ANGPT1: variants seen among roughly 807,000 people sequenced by gnomAD.
ANGPT1 encodes the protein angiopoietin 1.
Under a neutral mutation model 62.2 loss-of-function variants are expected in ANGPT1, and 17 were observed. The ratio of observed to expected loss-of-function variants is 0.27; its 90% CI spans 0.19 to 0.41. The LOEUF is 0.41. Among genes scored for constraint, ANGPT1 ranks in the 10% least tolerant of loss-of-function variants. The pLI, the probability that ANGPT1 is intolerant of heterozygous loss-of-function variation, is 1.00. For missense variants in ANGPT1, 478 were observed against 594.9 expected (o/e 0.80, Z 2.04); for synonymous variants, 199 against 198.9 (o/e 1.00, Z 0.00).
intron 1 of ANGPT1, among the ~76,000 whole-genome samples, chr8:107,350,843 T>C (rs1018380343): frequency 6.6e-5 from 10 of 152,108 alleles, no homozygotes; most frequent in African/African-American, 2.4e-4. Flanking sequence ...ATATACAATG[T>C]GTGATTAATA....
intron 1 of ANGPT1, among the ~76,000 whole-genome samples, chr8:107,477,692 C>A: frequency 6.6e-6 from 1 of 152,196 alleles, no homozygotes; most frequent in Middle Eastern, 3.4e-3. Context: ...AGAAATTAAT[C>A]TTGATTTTAT....
At chr8:107,448,887 C>T (rs73313664) in intron 1 of ANGPT1, among the ~76,000 whole-genome samples, 5,619 of 152,124 alleles carry the variant, frequency 0.037, 375 homozygotes, top group African/African-American at 0.13. Flanking sequence ...TTGCCTATCA[C>T]GGGCCAAGTT....
chr8:107,440,336 C>T (rs1811442267), intron 1 of ANGPT1, among the ~76,000 whole-genome samples: 1 of 152,018 alleles, frequency 6.6e-6, no homozygotes, highest in Non-Finnish European at 1.5e-5. Context: ...TCAAATTTTA[C>T]ACACTTACTC....
intron 1 of ANGPT1, among the ~76,000 whole-genome samples, chr8:107,405,239 A>T (rs190273352): frequency 1.4e-4 from 22 of 152,056 alleles, no homozygotes; most frequent in Admixed American, 4.6e-4. Flanking sequence ...ATGTAGCTTT[A>T]TTATATGTAG....
chr8:107,434,413 C>T (rs1411128015), intron 1 of ANGPT1, among the ~76,000 whole-genome samples: 3 of 151,966 alleles, frequency 2.0e-5, no homozygotes, highest in African/African-American at 4.8e-5. Flanking sequence ...TGAAATACTT[C>T]GCTTGGGGTT....
chr8:107,336,962 C>T (rs868591173), intron 2 of ANGPT1, among the ~76,000 whole-genome samples: 2 of 152,108 alleles, frequency 1.3e-5, no homozygotes, highest in Non-Finnish European at 2.9e-5. Flanking sequence ...TGGTGGATCA[C>T]CTGGCAAAAA....
At chr8:107,267,550 T>C (rs1050919868) in intron 7 of ANGPT1, among the ~76,000 whole-genome samples, 1 of 152,128 alleles carries the variant, frequency 6.6e-6, no homozygotes, top group Non-Finnish European at 1.5e-5. Flanking sequence ...AGTTCTTCTC[T>C]GGATTATCAA....
chr8:107,265,648 C>A (rs760772006), intron 7 of ANGPT1, among the ~76,000 whole-genome samples: 1 of 152,256 alleles, frequency 6.6e-6, no homozygotes, highest in East Asian at 1.9e-4. Context: ...CCTTCAAATT[C>A]ATATAGGTCA....
In ANGPT1 at chr8:107,297,050, C is replaced by T. The variant is rs74538330; in HGVS notation, c.937-3013G>A. ...GGAAATTTTTGAAAAAGACAACTTTCCTTCTAAACAGAGGAATCCAGTGAC... is the reference window on the plus strand; with the variant it reads ...GGAAATTTTTGAAAAAGACAACTTTTCTTCTAAACAGAGGAATCCAGTGAC... On this transcript the variant is annotated intron_variant, in intron 5 of 8. Transcript: ENST00000517746. 4.6e-5 allele frequency among the ~76,000 whole-genome samples: 7 copies of T among 151,394 alleles called. No individual in the cohort carries two copies. In the East Asian group the frequency reaches 9.7e-4, roughly 21 times the overall value.
chr8:107,369,649 A>C (rs747244303), intron 1 of ANGPT1, among the ~76,000 whole-genome samples: 1 of 152,096 alleles, frequency 6.6e-6, no homozygotes, highest in Non-Finnish European at 1.5e-5. Flanking sequence ...CTCAGAGGCC[A>C]CTGTAGGGTT....
chr8:107,387,870 T>A (rs1816761558), intron 1 of ANGPT1, among the ~76,000 whole-genome samples: 1 of 152,032 alleles, frequency 6.6e-6, no homozygotes, highest in Non-Finnish European at 1.5e-5. Context: ...TAAAAATAAA[T>A]TTCTTTGAAG....
intron 7 of ANGPT1, among the ~76,000 whole-genome samples, chr8:107,280,168 G>A (rs529220495): frequency 1.6e-4 from 25 of 152,022 alleles, no homozygotes; most frequent in African/African-American, 5.8e-4. Flanking sequence ...TATCTTGCAA[G>A]AAGTAATCTT....
intron 1 of ANGPT1, among the ~76,000 whole-genome samples, chr8:107,434,175 A>G (rs13280030): frequency 0.12 from 18,073 of 152,202 alleles, 1,458 homozygotes; most frequent in East Asian, 0.44. Context: ...AGAAAAGGTA[A>G]TAACATTCCC....
rs148188671 is a variant in ANGPT1, at chr8:107,301,187, T to A, written c.936+2053A>T. 8.7e-3 allele frequency among the ~76,000 whole-genome samples: 1,324 copies of A among 152,088 alleles called. 17 individuals are homozygous for A. The highest frequency in any genetic ancestry group is 0.03 in the African/African-American group (1,259 of 41,524). On this transcript the variant is annotated intron_variant, in intron 5 of 8. Coordinates refer to ENST00000517746, the MANE Select transcript of ANGPT1 (RefSeq NM_001146.5). ...ATTCTAAAATTGTGAATATTCTTGA[T>A]CTGAAAACTTTGGGAATTATTTTTC...
At chr8:107,300,200 A>G (rs889437555) in intron 5 of ANGPT1, among the ~76,000 whole-genome samples, 1 of 149,334 alleles carries the variant, frequency 6.7e-6, no homozygotes, top group Non-Finnish European at 1.5e-5. Flanking sequence ...TGCTTAGAAG[A>G]AGACTGGCAA....
intron 2 of ANGPT1, among the ~76,000 whole-genome samples, chr8:107,338,173 T>C (rs1815614826): frequency 6.6e-6 from 1 of 151,154 alleles, no homozygotes; most frequent in Non-Finnish European, 1.5e-5. Flanking sequence ...TTTGCAGGAG[T>C]AGGGGATGTA....
intron 1 of ANGPT1, among the ~76,000 whole-genome samples, chr8:107,457,652 C>T (rs963744977): frequency 6.6e-6 from 1 of 151,970 alleles, no homozygotes; most frequent in Non-Finnish European, 1.5e-5. Context: ...AACCAGGCAG[C>T]TGAATTTTTT....
intron 1 of ANGPT1, among the ~76,000 whole-genome samples, chr8:107,474,451 A>G (rs1474840852): frequency 1.3e-5 from 2 of 152,178 alleles, no homozygotes; most frequent in South Asian, 4.1e-4. Context: ...AACAAGAGCT[A>G]TTTATGACAA....
At chr8:107,496,497 G>A (rs988783516) in intron 1 of ANGPT1, among the ~76,000 whole-genome samples, 1 of 152,162 alleles carries the variant, frequency 6.6e-6, no homozygotes, top group Non-Finnish European at 1.5e-5. Flanking sequence ...TAACTACAAT[G>A]CCCTGAGAAG....
Sources: allele counts gnomAD v4.1 joint callset (sites outside exome capture counted in the v4.1 genomes callset), GRCh38; gene constraint gnomAD v4.1.1; transcripts MANE v1.5; gene names NCBI Gene and HGNC (gene_info 2026-07-23, HGNC 2026-07-21).